Variants in ASCC2 observed in about 807,000 individuals in gnomAD.
ASCC2 encodes activating signal cointegrator 1 complex subunit 2.
Under a neutral mutation model 93.5 loss-of-function variants are expected in ASCC2, and 42 were observed. The observed-to-expected ratio is 0.45, with a 90% CI of 0.35 to 0.58. The LOEUF (loss-of-function observed/expected upper bound fraction) is 0.58. ASCC2 is among the 20% of genes least tolerant of loss of function. The probability of loss-of-function intolerance (pLI) is 0.00; values close to 1 mark genes in which losing one functional copy is unlikely to be tolerated. For missense variants in ASCC2, 859 were observed against 977.6 expected, an observed-to-expected ratio of 0.88 and a Z score of 1.62; for synonymous variants, 364 against 384.2, an observed-to-expected ratio of 0.95 and a Z score of 0.62.
intron 8 of ASCC2, 44 bp from the exon 9 acceptor site, chr22:29,808,229 T>C: frequency 1.9e-6 from 3 of 1,585,502 alleles, no homozygotes; most frequent in Non-Finnish European, 2.6e-6. Flanking sequence ...AGTTCATAAA[T>C]ACCACACTTC....
At chr22:29,823,566 G>C (rs2061866912) in intron 4 of ASCC2, among the ~76,000 whole-genome samples, 1 of 152,216 alleles carries the variant, frequency 6.6e-6, no homozygotes, top group Admixed American at 6.5e-5. Context: ...TTGTATTTGT[G>C]GCCAGGCGCG....
At chr22:29,817,598 C>G (rs558818266) in intron 5 of ASCC2, among the ~76,000 whole-genome samples, 244 of 152,264 alleles carry the variant, frequency 1.6e-3, no homozygotes, top group African/African-American at 5.7e-3. Context: ...AGGGCCATAC[C>G]ATGTTCTCCA....
At chr22:29,808,063 G>T in intron 9 of ASCC2, 48 bp downstream of exon 9, 1 of 1,596,234 alleles carries the variant, frequency 6.3e-7, no homozygotes, top group Non-Finnish European at 8.6e-7. Context: ...GGCCCTGCTC[G>T]GGCCTCTCTG....
Position 29,793,901 on chromosome 22 carries a change from GT to G in ASCC2, c.1689-226del, listed in dbSNP as rs1266418835. Among the ~76,000 whole-genome samples, 777 of 140,034 alleles carry G rather than the reference GT, an allele frequency of 5.5e-3. 2 individuals are homozygous for G. The highest frequency in any genetic ancestry group is 8.1e-3 in the Non-Finnish European group (516 of 63,860). 91.9% of individuals were successfully genotyped at this position (140,034 alleles called of 152,430 possible). A position where few individuals can be genotyped will look rare whatever the true frequency, so the allele number is the denominator to read the frequency against. ...TTTAGAGGGCATCCCAAGAGCCACT[GT>G]TTTTTTTTTTTTTTGAGAGGAAGTC... is the stretch of plus-strand genomic sequence containing the variant. On this transcript the variant is annotated intron_variant, in intron 15 of 19. Coordinates refer to ENST00000307790, the MANE Select transcript of ASCC2 (RefSeq NM_032204.5).
intron 17 of ASCC2, 142 bp from the exon 18 acceptor site, chr22:29,792,677 G>C: frequency 2.5e-6 from 3 of 1,177,162 alleles, no homozygotes; most frequent in South Asian, 2.9e-5. Context: ...TTTCAAGCCA[G>C]ATTTGCTCCA....
At chr22:29,830,315 A>G (rs2062969237) in intron 2 of ASCC2, among the ~76,000 whole-genome samples, 1 of 152,248 alleles carries the variant, frequency 6.6e-6, no homozygotes, top group Non-Finnish European at 1.5e-5. Flanking sequence ...ACACAAAGAC[A>G]AATATTCAAA....
chr22:29,808,055 C>T (rs2059885254), intron 9 of ASCC2, 56 bp downstream of exon 9: 1 of 1,580,174 alleles, frequency 6.3e-7, no homozygotes, highest in Non-Finnish European at 8.7e-7. Flanking sequence ...GAAGGCAGGG[C>T]CCTGCTCGGG....
At position 29,825,218 on chromosome 22, in the gene ASCC2, A is replaced by G; in HGVS notation, c.280T>C (p.Tyr94His). 1 of 1,546,590 alleles carries G rather than the reference A, an allele frequency of 6.5e-7. No homozygotes were observed. Among genetic ancestry groups the G allele is most frequent in the African/African-American group, 1.4e-5 (1 of 72,262 alleles). ...DETLQKCLDS[Y>H]LRYVPRKFDE... is the part of the protein sequence containing the mutation. ...AATTTGCGGGGGACATAGCGCAGGT[A>G]GGAGTCCAGGCACTTCTGTAGAGTC... Residue 94 changes from tyrosine (Y) to histidine (H), a missense_variant, in exon 4 of 20, where the codon TAC (tyrosine) becomes CAC (histidine). Coordinates refer to ENST00000307790, the MANE Select transcript of ASCC2 (RefSeq NM_032204.5). The surrounding 1 kb of genome is among the most constrained non-coding windows in gnomAD (Gnocchi z 4.9).
Position 29,838,228 on chromosome 22 carries a change from G to GCCGC in ASCC2, c.-69_-68insGCGG, listed in dbSNP as rs1555885984. The GCCGC allele has an allele frequency of 6.4e-6, 3 of 465,346 alleles. No individual in the cohort carries two copies. The highest frequency in any genetic ancestry group is 6.1e-5 in the African/African-American group (3 of 49,154). 28.8% of individuals were successfully genotyped at this position (465,346 alleles called of 1,614,324 possible). ...TGCCGCCGCCGCCGCCGCCGCCGCCGACCACGGTGACAGCTCCCTGAGCGC... is the reference window on the plus strand; with the variant it reads ...TGCCGCCGCCGCCGCCGCCGCCGCCGCCGCACCACGGTGACAGCTCCCTGAGCGC... On this transcript the variant is annotated 5_prime_UTR_variant, in exon 1 of 20. Transcript: ENST00000307790.
intron 5 of ASCC2, among the ~76,000 whole-genome samples, chr22:29,821,127 T>G (rs1462416131): frequency 6.6e-6 from 1 of 152,122 alleles, no homozygotes; most frequent in Admixed American, 6.6e-5. Flanking sequence ...CTCTGTAACG[T>G]CCCACAGTGC....
At chr22:29,818,712 T>C (rs1602095598) in intron 5 of ASCC2, among the ~76,000 whole-genome samples, 1 of 151,870 alleles carries the variant, frequency 6.6e-6, no homozygotes, top group Non-Finnish European at 1.5e-5. Context: ...AGTAAGTGAG[T>C]AGGCTTTCTC....
rs1353659018 is a variant in ASCC2 at position 29,788,875 on chromosome 22, C to A, written c.*138G>T. On this transcript the variant is annotated 3_prime_UTR_variant, in exon 20 of 20. Transcript: ENST00000307790. The stretch of plus-strand genomic sequence containing the variant: ...TGGCTGGCTGGTAGATGAGAGGCGG[C>A]CTTCTCAGGGGCTGCAAAGCTGAGG... 9.6e-7 allele frequency: 1 copy of A among 1,046,460 alleles called. No homozygotes were observed. The highest frequency in any genetic ancestry group is 1.4e-6 in the Non-Finnish European group (1 of 709,472). 64.8% of individuals were successfully genotyped at this position (1,046,460 alleles called of 1,614,324 possible).
rs971475844 is a variant in ASCC2, at chr22:29,788,865, TGA to T, written c.*146_*147del. 41 of 932,378 alleles carry T rather than the reference TGA, an allele frequency of 4.4e-5. No individual in the cohort carries two copies. In the Middle Eastern group the frequency reaches 1.3e-3, roughly 30 times the overall value. The allele number at this position is 932,378 out of a possible 1,614,324, so 57.8% of individuals were successfully genotyped here. On this transcript the variant is annotated 3_prime_UTR_variant, in exon 20 of 20. Coordinates refer to ENST00000307790, the MANE Select transcript of ASCC2 (RefSeq NM_032204.5). ...AAGGCGCTCATGGCTGGCTGGTAGA[TGA>T]GAGGCGGCCTTCTCAGGGGCTGCAA... is the stretch of plus-strand genomic sequence containing the variant.
intron 1 of ASCC2, chr22:29,833,407 G>A (rs1169106678): frequency 1.1e-5 from 4 of 349,014 alleles, no homozygotes; most frequent in African/African-American, 2.2e-5. Flanking sequence ...TGGAAGAATA[G>A]AACGACATGA....
rs940675760 is a variant in ASCC2, at chr22:29,806,206, A to T, written c.1160+10T>A. 2.5e-6 allele frequency: 4 copies of T among 1,613,652 alleles called. No individual in the cohort carries two copies. The highest frequency in any genetic ancestry group is 3.4e-6 in the Non-Finnish European group (4 of 1,179,598). On this transcript the variant is annotated intron_variant, in intron 12 of 19. Transcript: ENST00000307790. Reference sequence around the variant, plus strand: ...GGGCCCTGTCGTAGTGGGCTATGGTAGAAGGATACAAGACTGATGAGGCCT... The same window carrying T: ...GGGCCCTGTCGTAGTGGGCTATGGTTGAAGGATACAAGACTGATGAGGCCT...
chr22:29,821,781 G>A lies in ASCC2; in HGVS notation c.541+554C>T, dbSNP rs181023649. 2.8e-3 allele frequency: 884 copies of A among 319,392 alleles called. 5 individuals carry two copies. The highest frequency in any genetic ancestry group is 0.018 in the African/African-American group (811 of 44,368). The allele number at this position is 319,392 out of a possible 1,614,324, so 19.8% of individuals were successfully genotyped here. On this transcript the variant is annotated intron_variant, in intron 5 of 19. Transcript: ENST00000307790. The stretch of plus-strand genomic sequence containing the variant: ...AAGCTAAAGCAGGAGGATGACTTGA[G>A]GCCAGGAGTTCAAGACCAGCTGGAA...
chr22:29,825,207 A>G lies in ASCC2; in HGVS notation c.291T>C (p.Tyr97=), dbSNP rs1274105080. Reference sequence around the variant, plus strand: ...CCCCCTCGTCGAATTTGCGGGGGACATAGCGCAGGTAGGAGTCCAGGCACT... The same window carrying G: ...CCCCCTCGTCGAATTTGCGGGGGACGTAGCGCAGGTAGGAGTCCAGGCACT... ...LQKCLDSYLR[Y]VPRKFDEGVA... The change falls in exon 4 of 20, where the codon TAT becomes TAC. Residue 97 remains tyrosine, a synonymous_variant. Transcript: ENST00000307790. This position sits in a 1 kb window ranked among gnomAD's most constrained non-coding sequence, Gnocchi z 4.9. The G allele has an allele frequency of 6.4e-7, 1 of 1,559,280 alleles. No individual in the cohort carries two copies. Among genetic ancestry groups the G allele is most frequent in the South Asian group, 1.2e-5 (1 of 83,762 alleles).
intron 1 of ASCC2, among the ~76,000 whole-genome samples, chr22:29,833,147 T>C (rs1323692686): frequency 6.6e-6 from 1 of 152,228 alleles, no homozygotes; most frequent in Non-Finnish European, 1.5e-5. Context: ...TCCAGCTCTG[T>C]GAGCTCAGTA....
Position 29,825,663 on chromosome 22 carries a change from C to A in ASCC2, c.199G>T (p.Asp67Tyr), listed in dbSNP as rs982302701. The change falls in exon 3 of 20, where the codon GAC becomes TAC. Residue 67 changes from aspartate (D) to tyrosine (Y), a missense_variant. Physicochemically the swap from Asp to Tyr is radical, Grantham distance 160 (BLOSUM62 -3). Transcript: ENST00000307790. The surrounding 1 kb of genome is among the most constrained non-coding windows in gnomAD (Gnocchi z 4.9). ...TCGTGAGGCAAGGCCAGGAGCCAGT[C>A]GAGGTCATTGGCTACGAAGGTGGCG... ...ERATFVANDL[D>Y]WLLALPHDKF... 1 of 1,614,218 alleles carries A rather than the reference C, an allele frequency of 6.2e-7. No individual in the cohort carries two copies. The highest frequency in any genetic ancestry group is 8.5e-7 in the Non-Finnish European group (1 of 1,180,038).
Sources: allele counts gnomAD v4.1 joint callset (sites outside exome capture counted in the v4.1 genomes callset), GRCh38; gene constraint gnomAD v4.1.1; non-coding constraint Gnocchi (gnomAD v3.1); transcripts MANE v1.5; gene names NCBI Gene and HGNC (gene_info 2026-07-23, HGNC 2026-07-21).